The following DOCK3 variants were observed in gnomAD, a reference collection of about 807,000 sequenced individuals.
The protein encoded by DOCK3 is dedicator of cytokinesis protein 3.
DOCK3 carries 60 observed loss-of-function variants against 265.6 expected under a neutral mutation model. That is an observed-to-expected ratio of 0.23 (90% CI 0.18 to 0.28). DOCK3 has a LOEUF of 0.28. DOCK3 is among the 10% of genes least tolerant of loss of function. The pLI, the probability that DOCK3 is intolerant of heterozygous loss-of-function variation, is 1.00. For missense variants in DOCK3, 1,981 were observed against 2,594.3 expected (o/e 0.76, Z 5.14); for synonymous variants, 881 against 938.0 (o/e 0.94, Z 1.11).
chr3:51,260,358 G>A lies in DOCK3; in HGVS notation c.2355+32G>A, dbSNP rs191030398. 5.8e-5 allele frequency: 90 copies of A among 1,564,084 alleles called. No homozygotes were observed. In the Admixed American group the frequency reaches 7.7e-4, roughly 13 times the overall value. ...ACACTGCAGGGAAGCTTTGATGCTGGGTTCCTCTTTCTCAGTGGGTGGTTT... is the reference window on the plus strand; with the variant it reads ...ACACTGCAGGGAAGCTTTGATGCTGAGTTCCTCTTTCTCAGTGGGTGGTTT... On this transcript the variant is annotated intron_variant, in intron 23 of 52. Coordinates refer to ENST00000266037, the MANE Select transcript of DOCK3 (RefSeq NM_004947.5).
intron 5 of DOCK3, among the ~76,000 whole-genome samples, chr3:51,005,179 A>G (rs1200888037): frequency 6.6e-6 from 1 of 152,124 alleles, no homozygotes; most frequent in Non-Finnish European, 1.5e-5. Context: ...GTCTATTCTC[A>G]GAGATGATTA....
chr3:50,852,261 A>T (rs988342015), intron 3 of DOCK3, among the ~76,000 whole-genome samples: 1 of 152,136 alleles, frequency 6.6e-6, no homozygotes, highest in Non-Finnish European at 1.5e-5. Context: ...TTTATGCATG[A>T]TCTTGCTGTT....
intron 5 of DOCK3, among the ~76,000 whole-genome samples, chr3:51,006,317 T>G (rs2078677209): frequency 6.6e-6 from 1 of 151,314 alleles, no homozygotes; most frequent in African/African-American, 2.4e-5. Context: ...CTTAATTATC[T>G]TTTCTCCCTT....
rs534202747 is a variant in DOCK3, at chr3:50,989,111, G to A, written c.315+55034G>A. 4.2e-4 allele frequency among the ~76,000 whole-genome samples: 64 copies of A among 152,228 alleles called. 1 individual carries two copies. Among genetic ancestry groups the A allele is most frequent in the South Asian group, 2.9e-3 (14 of 4,822 alleles). On this transcript the variant is annotated intron_variant, in intron 5 of 52. Coordinates refer to ENST00000266037, the MANE Select transcript of DOCK3 (RefSeq NM_004947.5). ...CTGTCTCCTGTGGGTCTCATGCACC[G>A]CCCCCTACTGCTTGTCACCAGACAG...
intron 2 of DOCK3, among the ~76,000 whole-genome samples, chr3:50,809,137 A>C (rs781354939): frequency 2.0e-5 from 3 of 152,236 alleles, no homozygotes; most frequent in Non-Finnish European, 4.4e-5. Flanking sequence ...TTCTTGTTCA[A>C]AAGATCGTTA....
At chr3:51,275,024 T>C in intron 24 of DOCK3, 55 bp from the exon 25 acceptor site, 1 of 1,608,540 alleles carries the variant, frequency 6.2e-7, no homozygotes, top group Non-Finnish European at 8.5e-7. Flanking sequence ...ACTGGCTTCC[T>C]GCAGTAGCTA....
chr3:50,724,970 G>A (rs1316165271), intron 1 of DOCK3, among the ~76,000 whole-genome samples: 2 of 147,780 alleles, frequency 1.4e-5, no homozygotes, highest in Non-Finnish European at 3.0e-5. Context: ...TCCAACCTGG[G>A]CAGCAGATGA....
intron 9 of DOCK3, among the ~76,000 whole-genome samples, chr3:51,096,609 G>A (rs1335474699): frequency 6.6e-6 from 1 of 152,156 alleles, no homozygotes; most frequent in Non-Finnish European, 1.5e-5. Flanking sequence ...GCTTGGAGGA[G>A]TTTGTTATTA....
intron 5 of DOCK3, among the ~76,000 whole-genome samples, chr3:51,011,294 C>G (rs1246562265): frequency 6.6e-6 from 1 of 152,108 alleles, no homozygotes; most frequent in Non-Finnish European, 1.5e-5. Context: ...TACACATAGT[C>G]CCATATTTCT....
At chr3:51,318,530 T>C (rs1193207531) in intron 32 of DOCK3, among the ~76,000 whole-genome samples, 1 of 152,222 alleles carries the variant, frequency 6.6e-6, no homozygotes, top group Non-Finnish European at 1.5e-5. Flanking sequence ...TTTATATGTA[T>C]TTCCTGTTTT....
At chr3:50,922,150 A>G (rs2050509146) in intron 4 of DOCK3, among the ~76,000 whole-genome samples, 1 of 152,230 alleles carries the variant, frequency 6.6e-6, no homozygotes, top group Non-Finnish European at 1.5e-5. Context: ...CCTTTCCCGC[A>G]GAGGTGGAGT....
At chr3:51,309,970 G>C (rs1250094044) in intron 27 of DOCK3, among the ~76,000 whole-genome samples, 3 of 152,210 alleles carry the variant, frequency 2.0e-5, no homozygotes, top group Non-Finnish European at 2.9e-5. Flanking sequence ...TGGGTATAAA[G>C]TGGGTATAGA....
At chr3:50,786,593 C>A in intron 2 of DOCK3, 1 of 552,914 alleles carries the variant, frequency 1.8e-6, no homozygotes, top group South Asian at 1.7e-5. Context: ...TCTTCTCTGC[C>A]AACTGCCACA....
intron 10 of DOCK3, among the ~76,000 whole-genome samples, chr3:51,151,459 T>C (rs1248690937): frequency 3.3e-5 from 5 of 152,110 alleles, no homozygotes; most frequent in African/African-American, 1.2e-4. Context: ...AGACCAAAGG[T>C]AGATAAAAAC....
At chr3:50,793,656 C>A (rs1308759658) in intron 2 of DOCK3, among the ~76,000 whole-genome samples, 1 of 152,196 alleles carries the variant, frequency 6.6e-6, no homozygotes, top group Admixed American at 6.5e-5. Context: ...CCTTGCCTGG[C>A]CTATTTTATT....
intron 2 of DOCK3, among the ~76,000 whole-genome samples, chr3:50,826,222 G>A (rs1449025098): frequency 1.3e-5 from 2 of 151,646 alleles, no homozygotes; most frequent in African/African-American, 2.4e-5. Flanking sequence ...AAATGTGGCA[G>A]CTGCGTTCTG....
intron 5 of DOCK3, among the ~76,000 whole-genome samples, chr3:50,961,901 T>C (rs1206913477): frequency 1.3e-5 from 2 of 152,212 alleles, no homozygotes; most frequent in African/African-American, 2.4e-5. Flanking sequence ...TTAAATATTA[T>C]CTGAGCCTTC....
At chr3:50,913,667 T>C (rs1187217914) in intron 4 of DOCK3, among the ~76,000 whole-genome samples, 1 of 152,152 alleles carries the variant, frequency 6.6e-6, no homozygotes, top group Non-Finnish European at 1.5e-5. Context: ...TGGTTTACAA[T>C]GATCCCTTCG....
chr3:50,972,888 ATT>A (rs35714079), intron 5 of DOCK3, among the ~76,000 whole-genome samples: 334 of 144,536 alleles, frequency 2.3e-3, no homozygotes, highest in Middle Eastern at 3.6e-3. Flanking sequence ...TGCTTTGGCT[ATT>A]TTTTTTTTTT....
Sources: allele counts gnomAD v4.1 joint callset (sites outside exome capture counted in the v4.1 genomes callset), GRCh38; gene constraint gnomAD v4.1.1; transcripts MANE v1.5; gene names NCBI Gene and HGNC (gene_info 2026-07-23, HGNC 2026-07-21).